EYS: variants seen among roughly 807,000 people sequenced by gnomAD.
EYS encodes protein eyes shut homolog.
EYS carries 250 observed loss-of-function variants against 282.1 expected under a neutral mutation model. That is an observed-to-expected ratio of 0.89 (90% CI 0.80 to 0.98). The LOEUF is 0.98. Ranked by LOEUF, EYS falls within the 50% of genes least tolerant of loss-of-function variation. The pLI is 0.00. For missense variants in EYS, 4,016 were observed against 3,709.0 expected, an observed-to-expected ratio of 1.08 and a Z score of -2.15; for synonymous variants, 1,355 against 1,282.9, an observed-to-expected ratio of 1.06 and a Z score of -1.20.
intron 12 of EYS, among the ~76,000 whole-genome samples, chr6:65,090,959 A>T (rs1774540662): frequency 6.6e-6 from 1 of 152,116 alleles, no homozygotes; most frequent in Non-Finnish European, 1.5e-5. Flanking sequence ...ATTTGTTATT[A>T]ATAAAACCTT....
intron 36 of EYS, among the ~76,000 whole-genome samples, chr6:63,843,595 C>A (rs769535881): frequency 6.6e-6 from 1 of 152,104 alleles, no homozygotes; most frequent in Admixed American, 6.6e-5. Flanking sequence ...ATTGATGGAA[C>A]GTATCTCAAA....
chr6:64,142,803 A>G (rs79324765), intron 31 of EYS, among the ~76,000 whole-genome samples: 10,292 of 152,230 alleles, frequency 0.068, 1,096 homozygotes, highest in African/African-American at 0.23. Context: ...AAGGCAGTAG[A>G]AGTGAATGAG....
At chr6:64,149,593 T>G (rs1774634389) in intron 31 of EYS, among the ~76,000 whole-genome samples, 1 of 152,178 alleles carries the variant, frequency 6.6e-6, no homozygotes, top group African/African-American at 2.4e-5. Flanking sequence ...TAACACGTGA[T>G]AGACACTTGT....
At chr6:64,741,936 T>G (rs944212137) in intron 22 of EYS, among the ~76,000 whole-genome samples, 1 of 152,188 alleles carries the variant, frequency 6.6e-6, no homozygotes, top group Non-Finnish European at 1.5e-5. Context: ...TGTTTCTTAC[T>G]ATTTACACGT....
chr6:64,346,307 A>G (rs137953065), intron 29 of EYS, among the ~76,000 whole-genome samples: 5,302 of 151,962 alleles, frequency 0.035, 217 homozygotes, highest in African/African-American at 0.096. Flanking sequence ...CAACCCAAAT[A>G]TCCAACAATG....
chr6:64,590,482 T>C lies in EYS; in HGVS notation c.5385A>G (p.Thr1795=), dbSNP rs1356724686. 4 of 1,551,456 alleles carry C rather than the reference T, an allele frequency of 2.6e-6. No individual in the cohort carries two copies. Among genetic ancestry groups the C allele is most frequent in the Non-Finnish European group, 3.5e-6 (4 of 1,146,796 alleles). ...SEVTTNVAFY[T]VSATPALSIQ... ...TTGAAAGTGCTGGAGTTGCTGAAAC[T>C]GTATAAAATGCAACATTGGTGGTGA... Residue 1795 remains threonine, a synonymous_variant, in exon 26 of 43, where the codon ACA becomes ACG. Coordinates refer to ENST00000503581, the MANE Select transcript of EYS (RefSeq NM_001142800.2).
At chr6:64,789,816 AG>A in intron 22 of EYS, among the ~76,000 whole-genome samples, 1 of 151,844 alleles carries the variant, frequency 6.6e-6, no homozygotes, top group Non-Finnish European at 1.5e-5. Flanking sequence ...GCAGATGCTC[AG>A]TAAGTATCTG....
At chr6:64,459,217 C>T (rs558065243) in intron 26 of EYS, among the ~76,000 whole-genome samples, 3 of 152,184 alleles carry the variant, frequency 2.0e-5, no homozygotes, top group South Asian at 2.1e-4. Context: ...TTTTCCTTTT[C>T]CTTCTTCTGT....
At chr6:65,230,312 A>G (rs1766734599) in intron 12 of EYS, among the ~76,000 whole-genome samples, 1 of 151,782 alleles carries the variant, frequency 6.6e-6, no homozygotes, top group Admixed American at 6.6e-5. Flanking sequence ...AATAAAGAAA[A>G]AAATAAAAAT....
chr6:65,190,825 G>A (rs1012256015), intron 12 of EYS, among the ~76,000 whole-genome samples: 2 of 151,748 alleles, frequency 1.3e-5, no homozygotes, highest in Non-Finnish European at 2.9e-5. Flanking sequence ...AGTAAACACT[G>A]GAAATGACTA....
intron 1 of EYS, among the ~76,000 whole-genome samples, chr6:65,663,915 A>G (rs1187671702): frequency 1.6e-5 from 2 of 124,642 alleles, no homozygotes; most frequent in African/African-American, 6.4e-5. Context: ...TCTGTCATCC[A>G]GGCTGGAGTG....
chr6:65,307,724 C>G (rs1345187277), intron 11 of EYS, among the ~76,000 whole-genome samples: 1 of 139,678 alleles, frequency 7.2e-6, no homozygotes, highest in Admixed American at 7.7e-5. Flanking sequence ...TACCCATCAT[C>G]ACCACTCTTC....
At chr6:63,746,537 T>C (rs1346950181) in intron 41 of EYS, among the ~76,000 whole-genome samples, 1 of 152,186 alleles carries the variant, frequency 6.6e-6, no homozygotes, top group East Asian at 1.9e-4. Flanking sequence ...AGAATTTGGC[T>C]GTGAATTCAT....
In EYS at chr6:65,582,718, G is replaced by A. The variant is rs577296858; in HGVS notation, c.-333+57060C>T. Among the ~76,000 whole-genome samples, 3 of 152,038 alleles carry A rather than the reference G, an allele frequency of 2.0e-5. No individual in the cohort carries two copies. The South Asian group carries it at 6.2e-4, about 32-fold the overall frequency. On this transcript the variant is annotated intron_variant, in intron 2 of 42. Coordinates refer to ENST00000503581, the MANE Select transcript of EYS (RefSeq NM_001142800.2). ...ACTCATTTAGCCTATCCCAACAGAG[G>A]GATTTCACAAATTTAGAATACCATA... is the stretch of plus-strand genomic sequence containing the variant.
At chr6:64,020,620 T>C (rs573010198) in intron 33 of EYS, among the ~76,000 whole-genome samples, 1 of 152,306 alleles carries the variant, frequency 6.6e-6, no homozygotes, top group Non-Finnish European at 1.5e-5. Context: ...TATTTTAGAC[T>C]CTAAAACATC....
chr6:65,235,685 C>T (rs1351325656), intron 12 of EYS, among the ~76,000 whole-genome samples: 1 of 152,074 alleles, frequency 6.6e-6, no homozygotes, highest in Non-Finnish European at 1.5e-5. Flanking sequence ...TTATGTGATT[C>T]TGGTAATTTA....
chr6:65,523,971 A>G (rs951853229), intron 2 of EYS, among the ~76,000 whole-genome samples: 4 of 152,316 alleles, frequency 2.6e-5, no homozygotes, highest in Admixed American at 2.6e-4. Context: ...TCCTGGGTTC[A>G]AGTGATTCTT....
intron 2 of EYS, among the ~76,000 whole-genome samples, chr6:65,526,945 A>G (rs1032014030): frequency 2.0e-5 from 3 of 152,230 alleles, no homozygotes; most frequent in African/African-American, 4.8e-5. Context: ...TTATAAAGCT[A>G]TAGGAATCGG....
At chr6:64,739,798 T>C (rs937372971) in intron 22 of EYS, among the ~76,000 whole-genome samples, 2 of 152,168 alleles carry the variant, frequency 1.3e-5, no homozygotes, top group South Asian at 2.1e-4. Context: ...TTTACATAAA[T>C]GTTAGGGTCC....
Sources: gnomAD v4.1 joint callset for allele counts (sites outside exome capture counted in the v4.1 genomes callset) on GRCh38, gnomAD v4.1.1 for gene constraint, MANE v1.5 for transcripts, NCBI Gene and HGNC (gene_info 2026-07-23, HGNC 2026-07-21) for gene names.